Variants in ROCK1 observed in about 807,000 individuals in gnomAD.
ROCK1 encodes Rho associated coiled-coil containing protein kinase 1.
A neutral mutation model predicts 196.8 loss-of-function variants in ROCK1; 36 were observed. The ratio of observed to expected loss-of-function variants is 0.18; its 90% CI spans 0.14 to 0.24. ROCK1 has a LOEUF of 0.24. Among genes scored for constraint, ROCK1 ranks in the 10% least tolerant of loss-of-function variants. The probability of loss-of-function intolerance (pLI) is 1.00; values close to 1 mark genes in which losing one functional copy is unlikely to be tolerated. For missense variants in ROCK1, 920 were observed against 1,562.0 expected, an observed-to-expected ratio of 0.59 and a Z score of 6.93; for synonymous variants, 443 against 515.9, an observed-to-expected ratio of 0.86 and a Z score of 1.91.
intron 1 of ROCK1, among the ~76,000 whole-genome samples, chr18:21,078,275 G>C (rs2036451350): frequency 6.6e-6 from 1 of 151,804 alleles, no homozygotes; most frequent in South Asian, 2.1e-4. Context: ...GCTGCAATGA[G>C]CTGAGATGGC....
intron 1 of ROCK1, among the ~76,000 whole-genome samples, chr18:21,080,607 C>T (rs2036475095): frequency 6.6e-6 from 1 of 152,072 alleles, no homozygotes; most frequent in Admixed American, 6.6e-5. Context: ...CCATAAGGAA[C>T]TCACTTCAAG....
At chr18:20,959,154 A>AT in intron 29 of ROCK1, among the ~76,000 whole-genome samples, 1 of 56,588 alleles carries the variant, frequency 1.8e-5, no homozygotes, top group African/African-American at 8.4e-5. Context: ...TAAAATATAT[A>AT]TATTATATAT....
chr18:21,077,594 G>A (rs1039594844), intron 1 of ROCK1, among the ~76,000 whole-genome samples: 1 of 92,130 alleles, frequency 1.1e-5, no homozygotes, highest in African/African-American at 4.2e-5. Flanking sequence ...TAGGCCCAGA[G>A]GAGAAGTGGG....
Position 20,984,354 on chromosome 18 carries a change from G to C in ROCK1, c.2486C>G (p.Thr829Arg). The C allele has an allele frequency of 6.3e-7, 1 of 1,595,364 alleles. No individual in the cohort carries two copies. The highest frequency in any genetic ancestry group is 8.5e-7 in the Non-Finnish European group (1 of 1,171,198). Residue 829 changes from threonine (T) to arginine (R), a missense_variant, in exon 20 of 33, where the codon ACG becomes AGG. Physicochemically the swap from Thr to Arg is moderately conservative, Grantham distance 71 (BLOSUM62 -1). This residue lies in a region of ROCK1 where 520 missense variants were observed against 657.1 expected (regional missense o/e 0.79). Coordinates refer to ENST00000399799, the MANE Select transcript of ROCK1 (RefSeq NM_005406.3). ...RLLEFELAQL[T>R]KQYRGNEGQM... ...CAATGTTATTTTAAAGACTTACTTC[G>C]TAAGCTGAGCTAACTCAAATTCTAA...
intron 16 of ROCK1, among the ~76,000 whole-genome samples, chr18:21,000,575 T>G (rs1300704154): frequency 2.0e-5 from 3 of 152,188 alleles, no homozygotes; most frequent in Non-Finnish European, 2.9e-5. Context: ...CAATCGATTT[T>G]CAACAAAGAT....
intron 1 of ROCK1, among the ~76,000 whole-genome samples, chr18:21,093,486 G>A (rs1598560724): frequency 6.6e-6 from 1 of 152,122 alleles, no homozygotes; most frequent in African/African-American, 2.4e-5. Context: ...TACAGATTGA[G>A]AAAACTGCAC....
chr18:21,069,088 T>C (rs1021690667), intron 2 of ROCK1, among the ~76,000 whole-genome samples: 1 of 152,150 alleles, frequency 6.6e-6, no homozygotes, highest in Non-Finnish European at 1.5e-5. Context: ...ATCTAAACTG[T>C]AGGTTTCTTG....
At chr18:21,096,653 T>A (rs1179563028) in intron 1 of ROCK1, among the ~76,000 whole-genome samples, 1 of 152,292 alleles carries the variant, frequency 6.6e-6, no homozygotes, top group Middle Eastern at 3.4e-3. Flanking sequence ...TGTCTAGAAT[T>A]ATTATGTTTA....
At chr18:20,965,756 G>T (rs1419170211) in intron 27 of ROCK1, among the ~76,000 whole-genome samples, 1 of 152,128 alleles carries the variant, frequency 6.6e-6, no homozygotes, top group Non-Finnish European at 1.5e-5. Context: ...GCCAAAAATA[G>T]GTAAACAGAG....
chr18:20,959,119 T>TAA (rs1568367463), intron 29 of ROCK1, among the ~76,000 whole-genome samples: 25 of 54,666 alleles, frequency 4.6e-4, no homozygotes, highest in African/African-American at 3.0e-3. Context: ...ATATATTATA[T>TAA]AATATATATA....
At chr18:21,044,223 A>G (rs2036135867) in intron 5 of ROCK1, 37 bp from the exon 6 acceptor site, 1 of 1,444,630 alleles carries the variant, frequency 6.9e-7, no homozygotes, top group Non-Finnish European at 9.6e-7. Flanking sequence ...ATTTTCTGAA[A>G]CAGATTAGAC....
At chr18:21,014,392 T>C (rs1281961932) in intron 13 of ROCK1, among the ~76,000 whole-genome samples, 4 of 152,222 alleles carry the variant, frequency 2.6e-5, no homozygotes, top group South Asian at 4.1e-4. Context: ...TTATGTTTAA[T>C]GTTTAGGGTT....
At chr18:20,991,710 C>A (rs1444789521) in intron 17 of ROCK1, among the ~76,000 whole-genome samples, 1 of 152,020 alleles carries the variant, frequency 6.6e-6, no homozygotes, top group African/African-American at 2.4e-5. Flanking sequence ...TCTCAGCTCA[C>A]TGCAGCCTTG....
chr18:20,958,889 ATATT>A (rs1166147481), intron 29 of ROCK1, among the ~76,000 whole-genome samples: 3,999 of 110,638 alleles, frequency 0.036, 342 homozygotes, highest in African/African-American at 0.14. Flanking sequence ...ATAAATATAT[ATATT>A]TATTTATATA....
chr18:21,031,604 C>CAAAAAAAAAA (rs781463990), intron 9 of ROCK1, among the ~76,000 whole-genome samples: 8 of 51,874 alleles, frequency 1.5e-4, no homozygotes, highest in Non-Finnish European at 1.9e-4. Context: ...GACTCCATCT[C>CAAAAAAAAAA]AAAAAAAAAA....
Position 21,111,030 on chromosome 18 carries a change from C to A in ROCK1, c.-120G>T. Reference sequence around the variant, plus strand: ...GGAGGAGCCGGAACCTCAGGGTCACCAGGTGCGCCCGGTTCCCCCGTCTTC... The same window carrying A: ...GGAGGAGCCGGAACCTCAGGGTCACAAGGTGCGCCCGGTTCCCCCGTCTTC... On this transcript the variant is annotated 5_prime_UTR_variant, in exon 1 of 33. Transcript: ENST00000399799. This position sits in a 1 kb window ranked among gnomAD's most constrained non-coding sequence, Gnocchi z 4.2. The A allele has an allele frequency of 1.3e-6, 1 of 744,426 alleles. No individual in the cohort carries two copies. The highest frequency in any genetic ancestry group is 2.3e-5 in the Admixed American group (1 of 43,336). 46.1% of individuals were successfully genotyped at this position (744,426 alleles called of 1,614,324 possible). A position where few individuals can be genotyped will look rare whatever the true frequency, so the allele number is the denominator to read the frequency against.
intron 6 of ROCK1, among the ~76,000 whole-genome samples, chr18:21,043,535 T>A (rs1284364011): frequency 7.1e-6 from 1 of 141,770 alleles, no homozygotes; most frequent in Non-Finnish European, 1.5e-5. Flanking sequence ...AATAACATAT[T>A]TATTTATGTT....
intron 2 of ROCK1, among the ~76,000 whole-genome samples, chr18:21,052,041 C>G (rs925527759): frequency 6.6e-6 from 1 of 152,082 alleles, no homozygotes; most frequent in African/African-American, 2.4e-5. Flanking sequence ...ATATAATAGC[C>G]TGTTACGTTG....
intron 9 of ROCK1, among the ~76,000 whole-genome samples, chr18:21,036,209 C>G (rs1239383912): frequency 1.3e-5 from 2 of 152,146 alleles, no homozygotes; most frequent in Non-Finnish European, 2.9e-5. Flanking sequence ...ATAATCTCTC[C>G]CGTGAGAATG....
Sources: gnomAD v4.1 joint callset for allele counts (sites outside exome capture counted in the v4.1 genomes callset) on GRCh38, gnomAD v4.1.1 for gene constraint, gnomAD v4.1.1 regional missense constraint, Gnocchi (gnomAD v3.1) non-coding constraint, MANE v1.5 for transcripts, NCBI Gene and HGNC (gene_info 2026-07-23, HGNC 2026-07-21) for gene names.